Variants in PKD1L3 observed in about 807,000 individuals in gnomAD.
PKD1L3 encodes polycystin-1-like protein 3.
A neutral mutation model predicts 184.1 loss-of-function variants in PKD1L3; 239 were observed. The ratio of observed to expected loss-of-function variants is 1.30; its 90% confidence interval spans 1.17 to 1.45. PKD1L3 has a LOEUF of 1.45. Ranked by LOEUF, PKD1L3 falls within the 40% of genes most tolerant of loss-of-function variation. PKD1L3 has a pLI of 0.00. For synonymous variants in PKD1L3, 996 were observed against 778.8 expected (o/e 1.28, Z -4.64); for missense variants, 2,660 against 2,067.2 (o/e 1.29, Z -5.56).
chr16:71,965,916 C>T (rs564963063), intron 15 of PKD1L3, among the ~76,000 whole-genome samples: 48 of 152,256 alleles, frequency 3.2e-4, no homozygotes, highest in Admixed American at 5.9e-4. Context: ...TTTTCATTTA[C>T]TGATGACTAA....
intron 5 of PKD1L3, 108 bp from the exon 6 acceptor site, chr16:71,984,275 C>T: frequency 1.8e-6 from 2 of 1,094,328 alleles, no homozygotes. Context: ...TTTATAAACC[C>T]TATGAACCAC....
chr16:71,945,383 C>CATAT lies in PKD1L3; in HGVS notation c.3719-1217_3719-1214dup, dbSNP rs1220889537. On this transcript the variant is annotated intron_variant, in intron 22 of 29. Transcript: ENST00000620267. ...ATTTATATACACACACGCACACACA[C>CATAT]ATATATATATATATATTTATTTATT... 1.6e-4 allele frequency among the ~76,000 whole-genome samples: 9 copies of CATAT among 56,970 alleles called. 1 individual carries two copies. Among genetic ancestry groups the CATAT allele is most frequent in the Non-Finnish European group, 3.0e-4 (8 of 26,784 alleles). The allele number at this position is 56,970 out of a possible 152,430, so 37.4% of individuals were successfully genotyped here. A position where few individuals can be genotyped will look rare whatever the true frequency, so the allele number is the denominator to read the frequency against.
chr16:71,994,209 G>C (rs2040698675), intron 2 of PKD1L3, among the ~76,000 whole-genome samples: 1 of 152,166 alleles, frequency 6.6e-6, no homozygotes, highest in Admixed American at 6.5e-5. Flanking sequence ...AGCTCGAGCA[G>C]CCTGCCTTCA....
chr16:71,957,319 T>C (rs570491999), intron 16 of PKD1L3, among the ~76,000 whole-genome samples: 3 of 151,992 alleles, frequency 2.0e-5, no homozygotes, highest in Non-Finnish European at 4.4e-5. Context: ...ACAATACGTA[T>C]AGAAAACAAA....
intron 22 of PKD1L3, among the ~76,000 whole-genome samples, chr16:71,945,382 A>ATT (rs1302839416): frequency 1.3e-4 from 7 of 55,602 alleles, no homozygotes; most frequent in African/African-American, 4.6e-4. Flanking sequence ...ACGCACACAC[A>ATT]CATATATATA....
chr16:71,945,092 C>T (rs961473897), intron 22 of PKD1L3, among the ~76,000 whole-genome samples: 1 of 150,288 alleles, frequency 6.7e-6, no homozygotes, highest in African/African-American at 2.4e-5. Flanking sequence ...TTTTTAAATG[C>T]TCATTCCTGA....
chr16:71,953,129 A>G, intron 17 of PKD1L3, 36 bp from the exon 18 acceptor site: 1 of 1,415,330 alleles, frequency 7.1e-7, no homozygotes, highest in Middle Eastern at 1.8e-4. Flanking sequence ...TTCATCTTCA[A>G]CAATTAAAAT....
intron 11 of PKD1L3, among the ~76,000 whole-genome samples, chr16:71,976,771 C>G (rs1001811248): frequency 6.6e-6 from 1 of 152,170 alleles, no homozygotes; most frequent in Non-Finnish European, 1.5e-5. Context: ...GAGACGGAGT[C>G]TGTCTCTGTC....
chr16:71,985,357 G>C (rs2040316044), intron 5 of PKD1L3, among the ~76,000 whole-genome samples: 2 of 152,054 alleles, frequency 1.3e-5, no homozygotes, highest in Admixed American at 1.3e-4. Context: ...GCTCGTTTGA[G>C]TTTAGGGAAA....
chr16:71,973,351 G>T lies in PKD1L3; in HGVS notation c.1926C>A (p.Asn642Lys), dbSNP rs903027945. 4.2e-5 allele frequency: 65 copies of T among 1,551,550 alleles called. No individual in the cohort carries two copies. The highest frequency in any genetic ancestry group is 5.5e-5 in the Non-Finnish European group (63 of 1,147,010). The change falls in exon 12 of 30, where the codon AAC becomes AAA. Residue 642 changes from asparagine to lysine, a missense_variant. By Grantham distance (94) the Asn-to-Lys change is moderately conservative (BLOSUM62 0). Transcript: ENST00000620267. ...GGCATCCGGCGCTGCTCCATGTCTGGTTGTGGATCTCCCAGTAGTAACACT... is the reference window on the plus strand; with the variant it reads ...GGCATCCGGCGCTGCTCCATGTCTGTTTGTGGATCTCCCAGTAGTAACACT... ...VTQCYYWEIH[N>K]QTWSSAGCQV... is the part of the protein sequence containing the mutation.
rs1331152780 is a variant in PKD1L3, at chr16:71,986,432, G to A, written c.623C>T (p.Ser208Leu). The A allele has an allele frequency of 6.4e-7, 1 of 1,551,868 alleles. No homozygotes were observed. Among genetic ancestry groups the A allele is most frequent in the Non-Finnish European group, 8.7e-7 (1 of 1,146,802 alleles). ...TLCHPISQFPSVLSSITSQVT... is the reference protein window; with the variant it reads ...TLCHPISQFPLVLSSITSQVT... ...CTGTGATGTGATACTTGATAGTACT[G>A]AAGGAAACTGGCTGATGGGATGACA... is the stretch of plus-strand genomic sequence containing the variant. The change falls in exon 5 of 30, where the codon TCA becomes TTA. Residue 208 changes from serine (S) to leucine (L), a missense_variant. Transcript: ENST00000620267.
intron 24 of PKD1L3, among the ~76,000 whole-genome samples, chr16:71,938,623 CACTT>C (rs1044771106): frequency 7.9e-5 from 12 of 152,326 alleles, no homozygotes; most frequent in African/African-American, 2.9e-4. Context: ...AATAAGCACA[CACTT>C]ACTCCCCTCT....
intron 3 of PKD1L3, among the ~76,000 whole-genome samples, chr16:71,992,491 A>G (rs2040627706): frequency 6.6e-6 from 1 of 152,214 alleles, no homozygotes; most frequent in Non-Finnish European, 1.5e-5. Context: ...ACATCATTGC[A>G]TTAATTATCA....
In PKD1L3 at chr16:71,951,745, C is replaced by T; in HGVS notation, c.3010-1G>A. The T allele has an allele frequency of 1.9e-6, 3 of 1,548,754 alleles. No homozygotes were observed. The highest frequency in any genetic ancestry group is 1.4e-5 in the African/African-American group (1 of 72,992). ...GGAATCTCACAGTTTCCTTTAATTC[C>T]TGAATGTAGGACCAGATGAGAAAAA... On this transcript the variant is annotated splice_acceptor_variant, in intron 18 of 29. Coordinates refer to ENST00000620267, the MANE Select transcript of PKD1L3 (RefSeq NM_181536.2). LOFTEE classifies it high-confidence loss of function.
rs74480672 is a variant in PKD1L3, at chr16:71,989,658, C to T, written c.585+622G>A. ...CCTTTCCCTTTCTGTTAGATGTTTA[C>T]GTTTTATTGCATTGTATTTTTGTAA... On this transcript the variant is annotated intron_variant, in intron 4 of 29. Transcript: ENST00000620267. 4.3e-3 allele frequency among the ~76,000 whole-genome samples: 650 copies of T among 152,264 alleles called. 29 individuals are homozygous for T. In the East Asian group the frequency reaches 0.1, roughly 24 times the overall value.
At chr16:71,950,087 G>C in intron 20 of PKD1L3, 31 bp downstream of exon 20, 1 of 1,548,714 alleles carries the variant, frequency 6.5e-7, no homozygotes, top group Non-Finnish European at 8.7e-7. Context: ...AAGATTACAG[G>C]GGATAAAGAA....
At position 71,973,364 on chromosome 16, in the gene PKD1L3, C is replaced by G; in HGVS notation, c.1913G>C (p.Trp638Ser). ...VITAVTQCYY[W>S]EIHNQTWSSA... is the part of the protein sequence containing the mutation. The stretch of plus-strand genomic sequence containing the variant: ...GCTCCATGTCTGGTTGTGGATCTCC[C>G]AGTAGTAACACTGAGTGACGGCGGT... The change falls in exon 12 of 30, where the codon TGG becomes TCG. Residue 638 changes from tryptophan (W) to serine (S), a missense_variant. Physicochemically the swap from Trp to Ser is radical, Grantham distance 177 (BLOSUM62 -3). Coordinates refer to ENST00000620267, the MANE Select transcript of PKD1L3 (RefSeq NM_181536.2). 1 of 1,551,670 alleles carries G rather than the reference C, an allele frequency of 6.4e-7. No individual in the cohort carries two copies. The highest frequency in any genetic ancestry group is 1.2e-5 in the South Asian group (1 of 84,050).
At position 72,000,169 on chromosome 16, in the gene PKD1L3, T is replaced by C. The variant is rs1248563283; in HGVS notation, c.-191A>G. On this transcript the variant is annotated 5_prime_UTR_variant, in exon 1 of 30. Coordinates refer to ENST00000620267, the MANE Select transcript of PKD1L3 (RefSeq NM_181536.2). Reference sequence around the variant, plus strand: ...ACAAGCTGAAAACAAATAGCAGAGATCAATAAAACAATGGCCCTTTTTATC... The same window carrying C: ...ACAAGCTGAAAACAAATAGCAGAGACCAATAAAACAATGGCCCTTTTTATC... Among the ~76,000 whole-genome samples the C allele has an allele frequency of 6.6e-6, 1 of 152,092 alleles. No individual in the cohort carries two copies. The highest frequency in any genetic ancestry group is 2.4e-5 in the African/African-American group (1 of 41,400).
chr16:71,952,992 T>G lies in PKD1L3; in HGVS notation c.2911A>C (p.Ile971Leu). ...NLVIGRLFPLIEPQETLPLFP... is the reference protein window; with the variant it reads ...NLVIGRLFPLLEPQETLPLFP... ...AGGGGCAGAGTCTCCTGTGGCTCAA[T>G]CAACGGGAAGAGCCGCCCTATGACA... Residue 971 changes from isoleucine (I) to leucine (L), a missense_variant, in exon 18 of 30, where the codon ATT (isoleucine) becomes CTT (leucine). Ile to Leu is a conservative substitution (Grantham distance 5, BLOSUM62 2). Coordinates refer to ENST00000620267, the MANE Select transcript of PKD1L3 (RefSeq NM_181536.2). 1 of 1,549,560 alleles carries G rather than the reference T, an allele frequency of 6.5e-7. No homozygotes were observed. The highest frequency in any genetic ancestry group is 8.7e-7 in the Non-Finnish European group (1 of 1,146,182).
Sources: allele counts gnomAD v4.1 joint callset (sites outside exome capture counted in the v4.1 genomes callset), GRCh38; gene constraint gnomAD v4.1.1; transcripts MANE v1.5; gene names NCBI Gene and HGNC (gene_info 2026-07-23, HGNC 2026-07-21).